The following SNAI2 variants were observed in gnomAD, a reference collection of about 807,000 sequenced individuals.
SNAI2 encodes snail family transcriptional repressor 2.
In SNAI2, 2 loss-of-function variants were observed where a neutral mutation model predicts 22.4. The observed-to-expected ratio is 0.09, with a 90% CI of 0.04 to 0.28. The LOEUF (loss-of-function observed/expected upper bound fraction) is 0.28, where lower values mean the gene tolerates loss of function less well. Among genes scored for constraint, SNAI2 ranks in the 10% least tolerant of loss-of-function variants. SNAI2 has a pLI of 1.00. For missense variants in SNAI2, 239 were observed against 320.8 expected, an observed-to-expected ratio of 0.75 and a Z score of 1.95; for synonymous variants, 134 against 123.0, an observed-to-expected ratio of 1.09 and a Z score of -0.59.
In SNAI2 at chr8:48,920,154, T is replaced by C. The variant is rs747582227; in HGVS notation, c.367A>G (p.Ile123Val). 6 of 1,614,216 alleles carry C rather than the reference T, an allele frequency of 3.7e-6. No homozygotes were observed. The South Asian group carries it at 5.5e-5, about 15-fold the overall frequency. ...TTGCACTGAAACTTTTCAGCTTCAA[T>C]GGCATGGGGGTCTGAAAGCTTGGAC... ...LQSKLSDPHA[I>V]EAEKFQCNLC... The change falls in exon 2 of 3, where the codon ATT (isoleucine) becomes GTT (valine). Residue 123 changes from isoleucine (I) to valine (V), a missense_variant. Transcript: ENST00000020945.
At position 48,918,889 on chromosome 8, in the gene SNAI2, T is replaced by G. The variant is rs750242653; in HGVS notation, c.725A>C (p.Gln242Pro). The G allele has an allele frequency of 3.1e-6, 5 of 1,614,036 alleles. No homozygotes were observed. Among genetic ancestry groups the G allele is most frequent in the Non-Finnish European group, 4.2e-6 (5 of 1,180,028 alleles). ...GAAGGTTTTGGAGCAGTTTTTGCACTGGTATTTCTTTACATCAGAATGGGT... is the reference window on the plus strand; with the variant it reads ...GAAGGTTTTGGAGCAGTTTTTGCACGGGTATTTCTTTACATCAGAATGGGT... ...LQTHSDVKKY[Q>P]CKNCSKTFSR... Residue 242 changes from glutamine to proline, a missense_variant, in exon 3 of 3, where the codon CAG becomes CCG. Transcript: ENST00000020945.
In SNAI2 at chr8:48,921,429, T is replaced by A. The variant is rs2117650458; in HGVS notation, c.-164A>T. ...GAAGTCACCCGGCTCCTTTACGAACTGAGCCCGTTTTGGCTGGGAGGGTTT... is the reference window on the plus strand; with the variant it reads ...GAAGTCACCCGGCTCCTTTACGAACAGAGCCCGTTTTGGCTGGGAGGGTTT... On this transcript the variant is annotated 5_prime_UTR_variant, in exon 1 of 3. Transcript: ENST00000020945. The A allele has an allele frequency of 6.1e-6, 4 of 653,954 alleles. No individual in the cohort carries two copies. The highest frequency in any genetic ancestry group is 8.1e-6 in the Non-Finnish European group (3 of 369,232). 40.5% of individuals were successfully genotyped at this position (653,954 alleles called of 1,614,324 possible).
At position 48,919,975 on chromosome 8, in the gene SNAI2, T is replaced by C. The variant is rs199761990; in HGVS notation, c.546A>G (p.Thr182=). Residue 182 remains threonine, a synonymous_variant, in exon 2 of 3, where the codon ACA becomes ACG. Transcript: ENST00000020945. ...GALKMHIRTH[T]LPCVCKICGK... ...CGCAGATCTTGCAAACACAAGGTAA[T>C]GTGTGGGTCCGAATATGCATCTTCA... 4.3e-6 allele frequency: 7 copies of C among 1,614,070 alleles called. No individual in the cohort carries two copies. Among genetic ancestry groups the C allele is most frequent in the Non-Finnish European group, 5.9e-6 (7 of 1,180,044 alleles).
chr8:48,920,217 A>G lies in SNAI2; in HGVS notation c.304T>C (p.Ser102Pro). 6.2e-7 allele frequency: 1 copy of G among 1,614,170 alleles called. No homozygotes were observed. Among genetic ancestry groups the G allele is most frequent in the East Asian group, 2.2e-5 (1 of 44,882 alleles). ...TCTTCATCACTAATGGGGCTTTCTG[A>G]GCCACTGTGGTCCTTGGAGGAGGTG... ...SDTSSKDHSG[S>P]ESPISDEEER... The change falls in exon 2 of 3, where the codon TCA becomes CCA. Residue 102 changes from serine (S) to proline (P), a missense_variant. Physicochemically the swap from Ser to Pro is moderately conservative, Grantham distance 74. Around this residue, in one of 3 missense-constraint regions of SNAI2, gnomAD observed 183 missense variants for 190.4 expected, o/e 0.96. Transcript: ENST00000020945.
At chr8:48,919,868 A>G (rs1183938495) in intron 2 of SNAI2, 28 bp downstream of exon 2, 1 of 1,609,372 alleles carries the variant, frequency 6.2e-7, no homozygotes, top group African/African-American at 1.3e-5. Context: ...TCTCAGAGTA[A>G]CATTCCTGCC....
Position 48,918,922 on chromosome 8 carries a change from T to A in SNAI2, c.692A>T (p.His231Leu), listed in dbSNP as rs1806119585. The change falls in exon 3 of 3, where the codon CAT (histidine) becomes CTT (leucine). Residue 231 changes from histidine (H) to leucine (L), a missense_variant. By Grantham distance (99) the His-to-Leu change is moderately conservative. This residue lies in a region of SNAI2 where 31 missense variants were observed against 99.0 expected (regional missense o/e 0.31). Transcript: ENST00000020945. ...AFADRSNLRA[H>L]LQTHSDVKKY... ...CTTTACATCAGAATGGGTCTGCAGA[T>A]GAGCCCTCAGATTTGACCTGTCTGC... 6.2e-7 allele frequency: 1 copy of A among 1,614,016 alleles called. No homozygotes were observed. The highest frequency in any genetic ancestry group is 1.3e-5 in the African/African-American group (1 of 74,920).
At chr8:48,919,084 T>C in intron 2 of SNAI2, 96 bp from the exon 3 acceptor site, 1 of 1,259,484 alleles carries the variant, frequency 7.9e-7, no homozygotes, top group Non-Finnish European at 1.1e-6. Context: ...CACATTTTGC[T>C]TAAATAATGA....
Position 48,921,397 on chromosome 8 carries a change from C to T in SNAI2, c.-132G>A. On this transcript the variant is annotated 5_prime_UTR_variant, in exon 1 of 3. Coordinates refer to ENST00000020945, the MANE Select transcript of SNAI2 (RefSeq NM_003068.5). ...CAGGTGCGGCAGACGGACGGGCCGGCGCCTCTGAAGTCACCCGGCTCCTTT... is the reference window on the plus strand; with the variant it reads ...CAGGTGCGGCAGACGGACGGGCCGGTGCCTCTGAAGTCACCCGGCTCCTTT... The T allele has an allele frequency of 1.3e-6, 1 of 745,844 alleles. No homozygotes were observed. Among genetic ancestry groups the T allele is most frequent in the Non-Finnish European group, 2.4e-6 (1 of 422,188 alleles). The allele number at this position is 745,844 out of a possible 1,614,324, so 46.2% of individuals were successfully genotyped here.
In SNAI2 at chr8:48,918,011, A is replaced by G. The variant is rs943315471; in HGVS notation, c.*796T>C. On this transcript the variant is annotated 3_prime_UTR_variant, in exon 3 of 3. Transcript: ENST00000020945. ...TGCATTTGTGGTATGCATTTGAAAT[A>G]GTTTAAGTACATTAATGAATTTGTA... 2 of 152,212 alleles carry G rather than the reference A, an allele frequency of 1.3e-5. No individual in the cohort carries two copies. Among genetic ancestry groups the G allele is most frequent in the Admixed American group, 1.3e-4 (2 of 15,276 alleles). 9.4% of individuals were successfully genotyped at this position (152,212 alleles called of 1,614,324 possible).
In SNAI2 at chr8:48,918,535, A is replaced by C; in HGVS notation, c.*272T>G. On this transcript the variant is annotated 3_prime_UTR_variant, in exon 3 of 3. Transcript: ENST00000020945. ...GCTTTTCATTTTATCTTTGAAGAGA[A>C]AGGTTACTGTCTTTTATTCTCTCAA... The C allele has an allele frequency of 2.3e-6, 1 of 442,196 alleles. No homozygotes were observed. The highest frequency in any genetic ancestry group is 2.8e-5 in the South Asian group (1 of 35,170). The allele number at this position is 442,196 out of a possible 1,614,324, so 27.4% of individuals were successfully genotyped here.
At position 48,920,348 on chromosome 8, in the gene SNAI2, A is replaced by C. The variant is rs1806143493; in HGVS notation, c.173T>G (p.Val58Gly). The change falls in exon 2 of 3, where the codon GTG (valine) becomes GGG (glycine). Residue 58 changes from valine to glycine, a missense_variant. This residue lies in a region of SNAI2 where 183 missense variants were observed against 190.4 expected (regional missense o/e 0.96). Coordinates refer to ENST00000020945, the MANE Select transcript of SNAI2 (RefSeq NM_003068.5). ...LSSGAYSPITVWTTAAPFHAQ... is the reference protein window; with the variant it reads ...LSSGAYSPITGWTTAAPFHAQ... Reference sequence around the variant, plus strand: ...GTGGAATGGAGCAGCGGTAGTCCACACAGTGATGGGGCTGTATGCTCCTGA... The same window carrying C: ...GTGGAATGGAGCAGCGGTAGTCCACCCAGTGATGGGGCTGTATGCTCCTGA... 1.2e-6 allele frequency: 2 copies of C among 1,613,096 alleles called. No individual in the cohort carries two copies. The highest frequency in any genetic ancestry group is 1.7e-5 in the Admixed American group (1 of 59,940).
Position 48,921,351 on chromosome 8 carries a change from G to A in SNAI2, c.-86C>T. The A allele has an allele frequency of 9.7e-7, 1 of 1,031,172 alleles. No individual in the cohort carries two copies. 63.9% of individuals were successfully genotyped at this position (1,031,172 alleles called of 1,614,324 possible). On this transcript the variant is annotated 5_prime_UTR_variant, in exon 1 of 3. Transcript: ENST00000020945. ...GTCCCTACAGCATCGCGGCGGGCCA[G>A]GCTCGGGCAGGGGCCGTGCTCAGGT... is the stretch of plus-strand genomic sequence containing the variant.
At position 48,921,411 on chromosome 8, in the gene SNAI2, C is replaced by G. The variant is rs575616515; in HGVS notation, c.-146G>C. The G allele has an allele frequency of 4.3e-6, 3 of 695,196 alleles. No individual in the cohort carries two copies. Among genetic ancestry groups the G allele is most frequent in the South Asian group, 3.2e-5 (2 of 63,340 alleles). 43.1% of individuals were successfully genotyped at this position (695,196 alleles called of 1,614,324 possible). A position where few individuals can be genotyped will look rare whatever the true frequency, so the allele number is the denominator to read the frequency against. On this transcript the variant is annotated 5_prime_UTR_variant, in exon 1 of 3. Coordinates refer to ENST00000020945, the MANE Select transcript of SNAI2 (RefSeq NM_003068.5). ...GGACGGGCCGGCGCCTCTGAAGTCA[C>G]CCGGCTCCTTTACGAACTGAGCCCG...
chr8:48,917,817 A>T lies in SNAI2; in HGVS notation c.*990T>A, dbSNP rs1449135394. 2 of 152,180 alleles carry T rather than the reference A, an allele frequency of 1.3e-5. No individual in the cohort carries two copies. Among genetic ancestry groups the T allele is most frequent in the Non-Finnish European group, 2.9e-5 (2 of 68,014 alleles). 9.4% of individuals were successfully genotyped at this position (152,180 alleles called of 1,614,324 possible). A position where few individuals can be genotyped will look rare whatever the true frequency, so the allele number is the denominator to read the frequency against. On this transcript the variant is annotated 3_prime_UTR_variant, in exon 3 of 3. Coordinates refer to ENST00000020945, the MANE Select transcript of SNAI2 (RefSeq NM_003068.5). Reference sequence around the variant, plus strand: ...AAAAAAAACTTGAAAATTGTTTTTTAAAAAAGAAACATTGATTTCACAAGT... The same window carrying T: ...AAAAAAAACTTGAAAATTGTTTTTTTAAAAAGAAACATTGATTTCACAAGT...
rs1242817123 is a variant in SNAI2, at chr8:48,918,998, G to A, written c.626-10C>T. ...GAAAAAGGCTTCTCCCCTGGGGGTG[G>A]AGTGGGAGAAAAAAAGAAAGACAGT... is the stretch of plus-strand genomic sequence containing the variant. On this transcript the variant is annotated splice_polypyrimidine_tract_variant and intron_variant, in intron 2 of 2. Coordinates refer to ENST00000020945, the MANE Select transcript of SNAI2 (RefSeq NM_003068.5). The A allele has an allele frequency of 1.2e-6, 2 of 1,612,478 alleles. No individual in the cohort carries two copies. The highest frequency in any genetic ancestry group is 1.7e-5 in the Admixed American group (1 of 59,992).
chr8:48,919,453 T>C (rs2117648053), intron 2 of SNAI2, among the ~76,000 whole-genome samples: 1 of 152,310 alleles, frequency 6.6e-6, no homozygotes, highest in Admixed American at 6.5e-5. Context: ...CAAAGTAAAT[T>C]TAGTTTCAAC....
chr8:48,920,463 G>A, intron 1 of SNAI2, 22 bp from the exon 2 acceptor site: 1 of 1,608,386 alleles, frequency 6.2e-7, no homozygotes, highest in Non-Finnish European at 8.5e-7. Flanking sequence ...AAGGGAGGGA[G>A]AGAAGATTAA....
intron 2 of SNAI2, among the ~76,000 whole-genome samples, chr8:48,919,584 T>C (rs1179817084): frequency 6.6e-6 from 1 of 152,240 alleles, no homozygotes; most frequent in East Asian, 1.9e-4. Context: ...TTGTATTTGC[T>C]GATTACTGGG....
In SNAI2 at chr8:48,921,177, C is replaced by T; in HGVS notation, c.79+10G>A. 1 of 1,596,544 alleles carries T rather than the reference C, an allele frequency of 6.3e-7. No individual in the cohort carries two copies. The highest frequency in any genetic ancestry group is 1.1e-5 in the South Asian group (1 of 90,738). On this transcript the variant is annotated intron_variant, in intron 1 of 2. Transcript: ENST00000020945. Reference sequence around the variant, plus strand: ...GATACGTAGTTCTAGATATATTTTTCTCTTTTTACCTGTATGTGTGTCCAG... The same window carrying T: ...GATACGTAGTTCTAGATATATTTTTTTCTTTTTACCTGTATGTGTGTCCAG...
Sources: allele counts gnomAD v4.1 joint callset (sites outside exome capture counted in the v4.1 genomes callset), GRCh38; gene constraint gnomAD v4.1.1; regional missense constraint gnomAD v4.1.1; transcripts MANE v1.5; gene names NCBI Gene and HGNC (gene_info 2026-07-23, HGNC 2026-07-21).